POGK: variants seen among roughly 807,000 people sequenced by gnomAD.
POGK encodes pogo transposable element derived with KRAB domain.
A neutral mutation model predicts 54.4 loss-of-function variants in POGK; 16 were observed. The ratio of observed to expected loss-of-function variants is 0.29; its 90% CI spans 0.20 to 0.45. POGK has a LOEUF of 0.45. POGK is among the 20% of genes least tolerant of loss of function. The probability of loss-of-function intolerance (pLI) is 1.00; values close to 1 mark genes in which losing one functional copy is unlikely to be tolerated. For synonymous variants in POGK, 271 were observed against 302.2 expected, an observed-to-expected ratio of 0.90 and a Z score of 1.07; for missense variants, 515 against 795.6, an observed-to-expected ratio of 0.65 and a Z score of 4.24.
chr1:166,844,016 T>C (rs1402263135), intron 2 of POGK, among the ~76,000 whole-genome samples: 1 of 152,238 alleles, frequency 6.6e-6, no homozygotes, highest in African/African-American at 2.4e-5. Flanking sequence ...AGGGGAGGCC[T>C]GCGCAGCAGG....
intron 1 of POGK, chr1:166,839,890 G>T (rs1657411101): frequency 6.6e-6 from 1 of 152,002 alleles, no homozygotes; most frequent in South Asian, 1.9e-4. Flanking sequence ...GGAGAAATCC[G>T]AACGCGCCCG....
rs1201573262 is a variant in POGK at position 166,856,246 on chromosome 1, A to C, written c.*3676A>C. 1 of 151,956 alleles carries C rather than the reference A, an allele frequency of 6.6e-6. No homozygotes were observed. Among genetic ancestry groups the C allele is most frequent in the African/African-American group, 2.4e-5 (1 of 41,332 alleles). The allele number at this position is 151,956 out of a possible 1,614,324, so 9.4% of individuals were successfully genotyped here. A position where few individuals can be genotyped will look rare whatever the true frequency, so the allele number is the denominator to read the frequency against. ...GCTACTTAGGAGGTTGCGATGGGAG[A>C]ATCACCTGAGCCCAGAGGTCCAGTC... On this transcript the variant is annotated 3_prime_UTR_variant, in exon 6 of 6. Coordinates refer to ENST00000367876, the MANE Select transcript of POGK (RefSeq NM_017542.5).
At chr1:166,844,088 C>G (rs570191907) in intron 2 of POGK, among the ~76,000 whole-genome samples, 1 of 152,212 alleles carries the variant, frequency 6.6e-6, no homozygotes, top group Non-Finnish European at 1.5e-5. Context: ...GTCTAAGCCA[C>G]TACACTGTGC....
In POGK at chr1:166,855,172, CAAAA is replaced by C. The variant is rs1047047406; in HGVS notation, c.*2603_*2606del. The C allele has an allele frequency of 2.6e-5, 4 of 151,842 alleles. No homozygotes were observed. The highest frequency in any genetic ancestry group is 2.4e-5 in the African/African-American group (1 of 41,310). The allele number at this position is 151,842 out of a possible 1,614,324, so 9.4% of individuals were successfully genotyped here. ...ATGTTTTTTTTTTAATTCAGAACAA[CAAAA>C]GAACATGCTAAGCGAGTCCTCCCAC... On this transcript the variant is annotated 3_prime_UTR_variant, in exon 6 of 6. Coordinates refer to ENST00000367876, the MANE Select transcript of POGK (RefSeq NM_017542.5).
At chr1:166,842,994 G>A (rs1206163078) in intron 2 of POGK, among the ~76,000 whole-genome samples, 2 of 152,150 alleles carry the variant, frequency 1.3e-5, no homozygotes, top group African/African-American at 4.8e-5. Context: ...ATGTTAGGGT[G>A]ATCAGTGAAA....
intron 3 of POGK, 50 bp from the exon 4 acceptor site, chr1:166,847,444 C>T (rs752859937): frequency 1.4e-6 from 2 of 1,448,618 alleles, no homozygotes; most frequent in Non-Finnish European, 9.6e-7. Flanking sequence ...TTTGGTAGTG[C>T]TCCAGGACAG....
chr1:166,842,381 G>A (rs1657553256), intron 2 of POGK, among the ~76,000 whole-genome samples: 1 of 152,220 alleles, frequency 6.6e-6, no homozygotes, highest in African/African-American at 2.4e-5. Context: ...GGGCATTTGT[G>A]GCCTCCAGGC....
chr1:166,844,901 T>C (rs1328230620), intron 2 of POGK, among the ~76,000 whole-genome samples: 1 of 152,122 alleles, frequency 6.6e-6, no homozygotes, highest in Non-Finnish European at 1.5e-5. Flanking sequence ...GATTTTGGGC[T>C]GAGTCCTGGA....
At chr1:166,850,573 AC>A in intron 5 of POGK, 150 bp downstream of exon 5, 1 of 826,958 alleles carries the variant, frequency 1.2e-6, no homozygotes, top group Non-Finnish European at 1.8e-6. Flanking sequence ...CAGGTCACGG[AC>A]CATACTGGTC....
intron 5 of POGK, chr1:166,850,715 C>T (rs1658028060): frequency 3.8e-6 from 1 of 266,610 alleles, no homozygotes. Flanking sequence ...CTGTTGTGAA[C>T]TGCACATGTG....
intron 2 of POGK, among the ~76,000 whole-genome samples, chr1:166,843,462 A>G (rs952359654): frequency 2.0e-5 from 3 of 152,376 alleles, no homozygotes; most frequent in Admixed American, 6.5e-5. Context: ...AAGCTTTGGC[A>G]TCAGACTTTC....
intron 2 of POGK, among the ~76,000 whole-genome samples, chr1:166,843,180 G>A (rs1657609779): frequency 6.6e-6 from 1 of 152,220 alleles, no homozygotes; most frequent in African/African-American, 2.4e-5. Flanking sequence ...GGACAGCACA[G>A]GCAAAAGCAC....
intron 4 of POGK, 89 bp downstream of exon 4, chr1:166,847,681 G>A (rs1403186540): frequency 1.0e-6 from 1 of 1,003,658 alleles, no homozygotes; most frequent in Non-Finnish European, 1.5e-6. Flanking sequence ...GTATTTAAGA[G>A]GTAGAAGGAT....
Position 166,847,407 on chromosome 1 carries a change from G to A in POGK, c.260-87G>A. The A allele has an allele frequency of 4.1e-6, 4 of 968,038 alleles. No homozygotes were observed. The South Asian group carries it at 5.1e-5, about 12-fold the overall frequency. 60.0% of individuals were successfully genotyped at this position (968,038 alleles called of 1,614,324 possible). ...TGTTTTTCACAAAGAAGGGGAGAGT[G>A]GCTCTTAAGTATTTTGAAGTACTTA... On this transcript the variant is annotated intron_variant, in intron 3 of 5. Transcript: ENST00000367876.
Position 166,853,315 on chromosome 1 carries a change from C to T in POGK, c.*745C>T, listed in dbSNP as rs1002368327. 4 of 152,492 alleles carry T rather than the reference C, an allele frequency of 2.6e-5. No homozygotes were observed. Among genetic ancestry groups the T allele is most frequent in the Non-Finnish European group, 4.4e-5 (3 of 68,030 alleles). The allele number at this position is 152,492 out of a possible 1,614,324, so 9.4% of individuals were successfully genotyped here. A position where few individuals can be genotyped will look rare whatever the true frequency, so the allele number is the denominator to read the frequency against. On this transcript the variant is annotated 3_prime_UTR_variant, in exon 6 of 6. Coordinates refer to ENST00000367876, the MANE Select transcript of POGK (RefSeq NM_017542.5). ...TTTTTTAGGGTCTCATTTAATGGCC[C>T]TGTTTTTTTCATTATTATATTTAAT...
chr1:166,849,680 C>T lies in POGK; in HGVS notation c.1101C>T (p.Pro367=), dbSNP rs368692431. ...VAQMGNADET[P]ICLEVPSRVT... ...AGATGGGGAATGCAGATGAGACGCCCATTTGTTTAGAGGTGCCATCACGGG... is the reference window on the plus strand; with the variant it reads ...AGATGGGGAATGCAGATGAGACGCCTATTTGTTTAGAGGTGCCATCACGGG... The change falls in exon 5 of 6, where the codon CCC becomes CCT. Residue 367 remains proline, a synonymous_variant. Transcript: ENST00000367876. 2.5e-6 allele frequency: 4 copies of T among 1,614,252 alleles called. No homozygotes were observed. Among genetic ancestry groups the T allele is most frequent in the Non-Finnish European group, 3.4e-6 (4 of 1,180,046 alleles).
At chr1:166,848,731 G>A (rs955271588) in intron 4 of POGK, among the ~76,000 whole-genome samples, 12 of 152,118 alleles carry the variant, frequency 7.9e-5, no homozygotes, top group Non-Finnish European at 1.6e-4. Context: ...GTGATACTTA[G>A]AGTTACTCTA....
intron 5 of POGK, chr1:166,851,257 C>G (rs778677494): frequency 6.6e-6 from 1 of 152,102 alleles, no homozygotes; most frequent in Non-Finnish European, 1.5e-5. Flanking sequence ...CTCCGGGCCT[C>G]GGGTCTCAGT....
chr1:166,841,701 G>A (rs982503693), intron 2 of POGK, among the ~76,000 whole-genome samples: 6 of 152,198 alleles, frequency 3.9e-5, no homozygotes, highest in African/African-American at 1.4e-4. Flanking sequence ...TGGTAATTAG[G>A]CATGAATAGT....
Sources: allele counts gnomAD v4.1 joint callset (sites outside exome capture counted in the v4.1 genomes callset), GRCh38; gene constraint gnomAD v4.1.1; transcripts MANE v1.5; gene names NCBI Gene and HGNC (gene_info 2026-07-23, HGNC 2026-07-21).